GKAP1: variants seen among roughly 807,000 people sequenced by gnomAD.
GKAP1 encodes the protein G kinase-anchoring protein 1.
GKAP1 carries 31 observed loss-of-function variants against 56.7 expected under a neutral mutation model. That is an observed-to-expected ratio of 0.55 (90% confidence interval 0.41 to 0.74). The LOEUF (loss-of-function observed/expected upper bound fraction) is 0.74, where lower values mean the gene tolerates loss of function less well. GKAP1 is among the 30% of genes least tolerant of loss of function. GKAP1 has a pLI of 0.00. For missense variants in GKAP1, 364 were observed against 402.3 expected, an observed-to-expected ratio of 0.90 and a Z score of 0.82; for synonymous variants, 151 against 138.6, an observed-to-expected ratio of 1.09 and a Z score of -0.63.
Position 83,742,605 on chromosome 9 carries a change from C to CA in GKAP1, c.905-6dup. 1 of 1,604,304 alleles carries CA rather than the reference C, an allele frequency of 6.2e-7. No homozygotes were observed. ...GTATTTCTGCCTTATCTTTCACTGACAAAAAAGGAAAAACAGCAGTATAGA... is the reference window on the plus strand; with the variant it reads ...GTATTTCTGCCTTATCTTTCACTGACAAAAAAAGGAAAAACAGCAGTATAGA... On this transcript the variant is annotated splice_polypyrimidine_tract_variant and splice_region_variant and intron_variant, in intron 10 of 12. Transcript: ENST00000376371.
In GKAP1 at chr9:83,753,449, A is replaced by T. The variant is rs1943426572; in HGVS notation, c.739-90T>A. The stretch of plus-strand genomic sequence containing the variant: ...CTTTGTGAAAAGTTTAAGAGGAAAA[A>T]TTCTGACCTTAATTTTCTGAGGCCA... On this transcript the variant is annotated intron_variant, in intron 8 of 12. Transcript: ENST00000376371. The T allele has an allele frequency of 1.7e-5, 14 of 845,182 alleles. No individual in the cohort carries two copies. In the East Asian group the frequency reaches 3.5e-4, roughly 21 times the overall value. 52.4% of individuals were successfully genotyped at this position (845,182 alleles called of 1,614,324 possible).
intron 8 of GKAP1, among the ~76,000 whole-genome samples, chr9:83,760,540 T>C (rs888422401): frequency 6.6e-6 from 1 of 152,130 alleles, no homozygotes; most frequent in African/African-American, 2.4e-5. Flanking sequence ...TGACAGAACT[T>C]TTCATCTGAC....
At chr9:83,815,640 A>G (rs1944572831) in intron 2 of GKAP1, among the ~76,000 whole-genome samples, 1 of 151,006 alleles carries the variant, frequency 6.6e-6, no homozygotes, top group African/African-American at 2.4e-5. Context: ...AACCAAATAT[A>G]TTACTTTTTA....
intron 8 of GKAP1, among the ~76,000 whole-genome samples, chr9:83,756,932 A>G (rs1320472798): frequency 1.3e-5 from 2 of 152,228 alleles, no homozygotes; most frequent in Admixed American, 1.3e-4. Context: ...ATGAAGTCCT[A>G]TATTTCAATA....
chr9:83,811,469 A>G (rs1244382097), intron 2 of GKAP1, among the ~76,000 whole-genome samples: 1 of 152,206 alleles, frequency 6.6e-6, no homozygotes, highest in Non-Finnish European at 1.5e-5. Context: ...TGAATGAATG[A>G]AAAGAAGTAA....
intron 5 of GKAP1, among the ~76,000 whole-genome samples, chr9:83,786,949 T>A (rs540396572): frequency 6.6e-6 from 1 of 152,360 alleles, no homozygotes; most frequent in Admixed American, 6.5e-5. Context: ...ATATTCTATT[T>A]GATAAATTTT....
rs533802991 is a variant in GKAP1, at chr9:83,751,876, G to A, written c.840+1382C>T. On this transcript the variant is annotated intron_variant, in intron 9 of 12. Transcript: ENST00000376371. ...TGGAACCTTTGTTCACTCCTGGTGG[G>A]AATGTAAAATGACACAGGTGCCATG... Among the ~76,000 whole-genome samples the A allele has an allele frequency of 2.0e-4, 30 of 152,260 alleles. No homozygotes were observed. In the South Asian group the frequency reaches 3.1e-3, roughly 16 times the overall value.
intron 7 of GKAP1, among the ~76,000 whole-genome samples, chr9:83,779,433 A>C (rs1231256916): frequency 1.0e-5 from 1 of 99,328 alleles, no homozygotes; most frequent in East Asian, 3.3e-4. Flanking sequence ...AGCCATATAT[A>C]TATATATATA....
intron 6 of GKAP1, among the ~76,000 whole-genome samples, chr9:83,783,409 T>C (rs142961796): frequency 2.0e-5 from 3 of 152,336 alleles, no homozygotes; most frequent in Non-Finnish European, 2.9e-5. Context: ...CTAATGCAAT[T>C]AAGAAACTAC....
At chr9:83,782,059 G>C (rs375620990) in intron 6 of GKAP1, among the ~76,000 whole-genome samples, 1 of 152,008 alleles carries the variant, frequency 6.6e-6, no homozygotes, top group Middle Eastern at 3.4e-3. Flanking sequence ...AGCCAGGGTG[G>C]TCTTGATCTC....
intron 3 of GKAP1, among the ~76,000 whole-genome samples, chr9:83,800,972 CTTAAG>C (rs1944322707): frequency 6.6e-6 from 1 of 152,172 alleles, no homozygotes; most frequent in Admixed American, 6.5e-5. Flanking sequence ...TTTAATTTGT[CTTAAG>C]TTTTTAACAA....
Position 83,758,707 on chromosome 9 carries a change from C to A in GKAP1, c.739-5348G>T, listed in dbSNP as rs561369193. On this transcript the variant is annotated intron_variant, in intron 8 of 12. Coordinates refer to ENST00000376371, the MANE Select transcript of GKAP1 (RefSeq NM_025211.4). ...AAGGTTGTAGTGAGCCAAGATAGCA[C>A]TACAGAACTCCAGCCAGGTGACAGA... Among the ~76,000 whole-genome samples the A allele has an allele frequency of 4.6e-5, 7 of 151,158 alleles. No homozygotes were observed. In the South Asian group the frequency reaches 1.5e-3, roughly 31 times the overall value.
At chr9:83,759,155 TTC>T (rs1943527602) in intron 8 of GKAP1, among the ~76,000 whole-genome samples, 1 of 152,230 alleles carries the variant, frequency 6.6e-6, no homozygotes, top group Non-Finnish European at 1.5e-5. Flanking sequence ...TTCCCTCCTC[TTC>T]TGAGGATATC....
At chr9:83,798,530 G>T (rs753192111) in intron 4 of GKAP1, among the ~76,000 whole-genome samples, 3 of 152,000 alleles carry the variant, frequency 2.0e-5, no homozygotes, top group Non-Finnish European at 2.9e-5. Flanking sequence ...TTTGTTTTTT[G>T]TTATGAGACA....
At chr9:83,781,316 T>C (rs1943967918) in intron 6 of GKAP1, among the ~76,000 whole-genome samples, 2 of 152,320 alleles carry the variant, frequency 1.3e-5, no homozygotes, top group South Asian at 2.1e-4. Context: ...AGAGCCAGGA[T>C]CATGCTACTG....
chr9:83,752,467 C>A (rs540953843), intron 9 of GKAP1, among the ~76,000 whole-genome samples: 1 of 152,170 alleles, frequency 6.6e-6, no homozygotes, highest in African/African-American at 2.4e-5. Flanking sequence ...ATACGCCACA[C>A]ATAAAGAGGA....
Position 83,774,702 on chromosome 9 carries a change from C to CTT in GKAP1, c.585+5678_585+5679dup, listed in dbSNP as rs1168792305. Among the ~76,000 whole-genome samples the CTT allele has an allele frequency of 1.5e-3, 159 of 104,890 alleles. 8 individuals are homozygous for CTT. Among genetic ancestry groups the CTT allele is most frequent in the African/African-American group, 4.6e-3 (126 of 27,526 alleles). The allele number at this position is 104,890 out of a possible 152,430, so 68.8% of individuals were successfully genotyped here. On this transcript the variant is annotated intron_variant, in intron 7 of 12. Transcript: ENST00000376371. The stretch of plus-strand genomic sequence containing the variant: ...GAAACTATCAATAAACAGAAACCCC[C>CTT]TTTTTTTTTTTTTTTTTTTTTTTTT...
At chr9:83,809,597 A>G (rs1587744355) in intron 2 of GKAP1, among the ~76,000 whole-genome samples, 1 of 152,244 alleles carries the variant, frequency 6.6e-6, no homozygotes, top group East Asian at 1.9e-4. Flanking sequence ...AAATCTAGTG[A>G]GCAAGGTTTC....
chr9:83,753,321 C>T lies in GKAP1; in HGVS notation c.777G>A (p.Lys259=). 1 of 1,610,708 alleles carries T rather than the reference C, an allele frequency of 6.2e-7. No individual in the cohort carries two copies. Among genetic ancestry groups the T allele is most frequent in the Non-Finnish European group, 8.5e-7 (1 of 1,177,598 alleles). Residue 259 remains lysine, a synonymous_variant, in exon 9 of 13, where the codon AAG becomes AAA. Transcript: ENST00000376371. ...CAGCATCTTTCCTTTCAAGCTCTAA[C>T]TTTAGTCTTTCAATTCTTCCATCTT... The part of the protein sequence containing the change: ...VLKDGRIERL[K]LELERKDAEI...
Sources: gnomAD v4.1 joint callset for allele counts (sites outside exome capture counted in the v4.1 genomes callset) on GRCh38, gnomAD v4.1.1 for gene constraint, MANE v1.5 for transcripts, NCBI Gene and HGNC (gene_info 2026-07-23, HGNC 2026-07-21) for gene names.